The following PUDP variants were observed in gnomAD, a reference collection of about 807,000 sequenced individuals.
PUDP encodes the protein pseudouridine 5'-phosphatase.
A neutral mutation model predicts 9.4 loss-of-function variants in PUDP; 8 were observed. The ratio of observed to expected loss-of-function variants is 0.85; its 90% CI spans 0.50 to 1.53. PUDP has a LOEUF of 1.53. PUDP is among the 40% of genes most tolerant of loss of function. The pLI, the probability that PUDP is intolerant of heterozygous loss-of-function variation, is 0.00. For synonymous variants in PUDP, 99 were observed against 80.7 expected, an observed-to-expected ratio of 1.23 and a Z score of -1.22; for missense variants, 188 against 189.7, an observed-to-expected ratio of 0.99 and a Z score of 0.05.
chrX:6,729,413 T>A (rs954428879), intron 3 of PUDP, among the ~76,000 whole-genome samples: 4 of 112,111 alleles, frequency 3.6e-5, no homozygotes, highest in Admixed American at 9.4e-5. Flanking sequence ...CCCTAAAGTG[T>A]ATAAAACCAA....
At chrX:7,117,164 A>G in intron 1 of PUDP, 1 of 971,338 alleles carries the variant, frequency 1.0e-6, no homozygotes, top group African/African-American at 1.9e-5. Context: ...CTACAAGGAT[A>G]CCTGAAAATA....
intron 3 of PUDP, among the ~76,000 whole-genome samples, chrX:6,912,925 T>G (rs995928652): frequency 8.9e-6 from 1 of 112,255 alleles, no homozygotes; most frequent in African/African-American, 3.2e-5. Context: ...TTACAAAATA[T>G]GTTTCAAATA....
At chrX:7,146,355 G>A (rs1932858960) in intron 1 of PUDP, among the ~76,000 whole-genome samples, 1 of 111,845 alleles carries the variant, frequency 8.9e-6, no homozygotes, top group African/African-American at 3.3e-5. Flanking sequence ...GAGACATCTT[G>A]TTTGGTATTA....
intron 3 of PUDP, among the ~76,000 whole-genome samples, chrX:6,908,185 T>C (rs1927796552): frequency 8.9e-6 from 1 of 112,767 alleles, no homozygotes; most frequent in Admixed American, 9.4e-5. Context: ...GCTGACACAC[T>C]GCAAATAGCT....
chrX:6,774,822 C>G (rs1433849630), intron 3 of PUDP, among the ~76,000 whole-genome samples: 4 of 112,429 alleles, frequency 3.6e-5, no homozygotes, highest in African/African-American at 1.3e-4. Context: ...TGTTTGAAAT[C>G]CTACCAGATC....
chrX:6,865,767 A>C (rs1927070091), intron 3 of PUDP, among the ~76,000 whole-genome samples: 1 of 111,491 alleles, frequency 9.0e-6, no homozygotes, highest in Admixed American at 9.6e-5. Flanking sequence ...GACACATCTA[A>C]GCATGCTGAG....
chrX:7,147,961 G>C (rs1380539325), intron 1 of PUDP, 92 bp downstream of exon 1: 2 of 684,216 alleles, frequency 2.9e-6, no homozygotes, highest in African/African-American at 4.7e-5. Context: ...CCGCCCCGCC[G>C]CGGCCCCCAG....
intron 2 of PUDP, among the ~76,000 whole-genome samples, chrX:6,706,192 T>G (rs187253816): frequency 8.9e-6 from 1 of 112,097 alleles, no homozygotes; most frequent in Admixed American, 9.5e-5. Flanking sequence ...AAAGGAGTGA[T>G]GAGGAGTTAT....
chrX:6,947,591 A>C (rs1488138007), intron 3 of PUDP, among the ~76,000 whole-genome samples: 1 of 111,487 alleles, frequency 9.0e-6, no homozygotes, highest in Non-Finnish European at 1.9e-5. Context: ...CTAGGAATTC[A>C]AGACCAGCTG....
intron 3 of PUDP, among the ~76,000 whole-genome samples, chrX:6,901,845 C>A (rs1927692499): frequency 8.9e-6 from 1 of 111,995 alleles, no homozygotes; most frequent in Non-Finnish European, 1.9e-5. Flanking sequence ...AAAGCTAGAG[C>A]TGGGCAGATC....
At chrX:6,951,574 T>A (rs768398995) in intron 3 of PUDP, among the ~76,000 whole-genome samples, 1 of 111,613 alleles carries the variant, frequency 9.0e-6, no homozygotes, top group South Asian at 3.8e-4. Flanking sequence ...AGTGGAGGGA[T>A]AATGACACCT....
At chrX:7,030,190 C>G (rs1351002912) in intron 1 of PUDP, among the ~76,000 whole-genome samples, 1 of 111,053 alleles carries the variant, frequency 9.0e-6, no homozygotes, top group Non-Finnish European at 1.9e-5. Context: ...ATACCAAGAC[C>G]TACCAGGGGC....
At chrX:6,853,651 G>A (rs867800234) in intron 3 of PUDP, among the ~76,000 whole-genome samples, 6 of 111,125 alleles carry the variant, frequency 5.4e-5, no homozygotes, top group Admixed American at 1.9e-4. Context: ...CCTCACTCCC[G>A]AGGACCACCA....
intron 1 of PUDP, among the ~76,000 whole-genome samples, chrX:6,994,767 G>T (rs914476241): frequency 9.0e-6 from 1 of 111,623 alleles, no homozygotes; most frequent in Non-Finnish European, 1.9e-5. Context: ...GAGCAGAAAA[G>T]AGTTAATTTT....
intron 3 of PUDP, among the ~76,000 whole-genome samples, chrX:6,867,247 A>G (rs1039627590): frequency 9.8e-5 from 11 of 112,069 alleles, no homozygotes; most frequent in African/African-American, 3.6e-4. Context: ...AGTTATTGTC[A>G]AAGCTGCTGT....
chrX:6,764,245 A>G (rs1172458332), intron 3 of PUDP, among the ~76,000 whole-genome samples: 1 of 111,914 alleles, frequency 8.9e-6, no homozygotes, highest in Non-Finnish European at 1.9e-5. Context: ...GAGGCAAAGC[A>G]GAAGACACCC....
chrX:6,788,519 A>G (rs1424850788), intron 3 of PUDP, among the ~76,000 whole-genome samples: 1 of 111,578 alleles, frequency 9.0e-6, no homozygotes, highest in Non-Finnish European at 1.9e-5. Flanking sequence ...CCTGGGCAAC[A>G]TGGCAAGATC....
chrX:7,038,376 G>C (rs1355974822), intron 1 of PUDP, among the ~76,000 whole-genome samples: 1 of 112,198 alleles, frequency 8.9e-6, no homozygotes, highest in East Asian at 2.8e-4. Flanking sequence ...ACACGAAAGA[G>C]GATTCTGATT....
intron 2 of PUDP, among the ~76,000 whole-genome samples, chrX:6,977,341 C>G (rs147849156): frequency 1.8e-5 from 2 of 111,675 alleles, no homozygotes; most frequent in African/African-American, 3.3e-5. Flanking sequence ...TTAAGCAAAA[C>G]TTTGCTGCCC....
Sources: allele counts gnomAD v4.1 joint callset (sites outside exome capture counted in the v4.1 genomes callset), GRCh38; gene constraint gnomAD v4.1.1; transcripts MANE v1.5; gene names NCBI Gene and HGNC (gene_info 2026-07-23, HGNC 2026-07-21).